ANO1: variants seen among roughly 807,000 people sequenced by gnomAD.
ANO1 encodes anoctamin 1.
Under a neutral mutation model 124.0 loss-of-function variants are expected in ANO1, and 59 were observed. The ratio of observed to expected loss-of-function variants is 0.48; its 90% CI spans 0.39 to 0.59. The LOEUF (loss-of-function observed/expected upper bound fraction) is 0.59. Among genes scored for constraint, ANO1 ranks in the 20% least tolerant of loss-of-function variants. The probability of loss-of-function intolerance (pLI) is 0.00; values close to 1 mark genes in which losing one functional copy is unlikely to be tolerated. For missense variants in ANO1, 1,059 were observed against 1,328.0 expected, an observed-to-expected ratio of 0.80 and a Z score of 3.15; for synonymous variants, 529 against 532.0, an observed-to-expected ratio of 0.99 and a Z score of 0.08.
intron 1 of ANO1, among the ~76,000 whole-genome samples, chr11:70,083,341 G>A (rs1285867382): frequency 6.6e-6 from 1 of 152,072 alleles, no homozygotes; most frequent in Non-Finnish European, 1.5e-5. Context: ...ACAAAAACAC[G>A]AAGCTGTGTG....
chr11:70,071,735 C>T (rs1424386023), intron 1 of ANO1, among the ~76,000 whole-genome samples: 1 of 152,052 alleles, frequency 6.6e-6, no homozygotes, highest in Non-Finnish European at 1.5e-5. Flanking sequence ...GCAATCCTCC[C>T]ACCTGAATTT....
intron 7 of ANO1, among the ~76,000 whole-genome samples, chr11:70,113,053 T>C (rs527620546): frequency 3.2e-4 from 48 of 152,204 alleles, no homozygotes; most frequent in African/African-American, 1.1e-3. Flanking sequence ...ATTGGGGTGG[T>C]TGAGCAGCCC....
At chr11:70,004,558 G>A (rs1007163180) in intron 1 of ANO1, among the ~76,000 whole-genome samples, 1 of 152,218 alleles carries the variant, frequency 6.6e-6, no homozygotes, top group East Asian at 1.9e-4. Flanking sequence ...CTGTCAGATG[G>A]GGGCTATGAG....
At chr11:70,156,918 A>G in intron 15 of ANO1, 29 bp from the exon 16 acceptor site, 1 of 1,608,348 alleles carries the variant, frequency 6.2e-7, no homozygotes, top group South Asian at 1.1e-5. Flanking sequence ...ATGGTTCCAG[A>G]CAGTGACCGG....
At chr11:70,152,232 G>A (rs1471149477) in intron 12 of ANO1, among the ~76,000 whole-genome samples, 1 of 151,658 alleles carries the variant, frequency 6.6e-6, no homozygotes, top group Non-Finnish European at 1.5e-5. Flanking sequence ...CTACTCAGGA[G>A]GCTGAGGCAG....
intron 1 of ANO1, among the ~76,000 whole-genome samples, chr11:70,070,332 C>T (rs1041389904): frequency 1.3e-4 from 20 of 152,194 alleles, no homozygotes; most frequent in Middle Eastern, 3.4e-3. Context: ...TAAGGGGTGG[C>T]GGATTCTATG....
intron 1 of ANO1, among the ~76,000 whole-genome samples, chr11:70,029,293 G>A (rs1856961593): frequency 6.6e-6 from 1 of 152,210 alleles, no homozygotes; most frequent in African/African-American, 2.4e-5. Flanking sequence ...ACACAGGCCT[G>A]CTCTGCGCAA....
In ANO1 at chr11:70,130,984, G is replaced by T. The variant is rs1016306942; in HGVS notation, c.1098-935G>T. On this transcript the variant is annotated intron_variant, in intron 10 of 25. Coordinates refer to ENST00000355303, the MANE Select transcript of ANO1 (RefSeq NM_018043.7). ...GCTGTGTGAACCGCTCATAGACGGC[G>T]CCTGGCACAGAGCAAGGGCCCTCAT... 3.3e-5 allele frequency among the ~76,000 whole-genome samples: 5 copies of T among 152,358 alleles called. No homozygotes were observed. In the East Asian group the frequency reaches 9.7e-4, roughly 29 times the overall value.
At chr11:70,069,179 C>T (rs1857806737) in intron 1 of ANO1, among the ~76,000 whole-genome samples, 1 of 152,208 alleles carries the variant, frequency 6.6e-6, no homozygotes, top group Non-Finnish European at 1.5e-5. Flanking sequence ...TTGGAAGCCC[C>T]ACCATCCTCC....
At chr11:70,147,757 GCTT>G (rs2047438603) in intron 11 of ANO1, among the ~76,000 whole-genome samples, 1 of 152,146 alleles carries the variant, frequency 6.6e-6, no homozygotes, top group Non-Finnish European at 1.5e-5. Flanking sequence ...CGTGATCCCA[GCTT>G]CTTCTGGGCA....
intron 1 of ANO1, among the ~76,000 whole-genome samples, chr11:70,052,141 T>TTATTGATTC (rs1565169244): frequency 6.6e-6 from 1 of 152,088 alleles, no homozygotes. Flanking sequence ...CTTATTGATT[T>TTATTGATTC]CACACCACTT....
chr11:70,161,191 G>A lies in ANO1; in HGVS notation c.1609G>A (p.Val537Ile), dbSNP rs377208404. 2.6e-5 allele frequency: 42 copies of A among 1,613,674 alleles called. No homozygotes were observed. Among genetic ancestry groups the A allele is most frequent in the Middle Eastern group, 1.6e-4 (1 of 6,084 alleles). Reference sequence around the variant, plus strand: ...AGTGACGTTTGCCATCGTCCTCGGCGTCATCATCTACAGAATCTCCATGGC... The same window carrying A: ...AGTGACGTTTGCCATCGTCCTCGGCATCATCATCTACAGAATCTCCATGGC... ...IAVTFAIVLGVIIYRISMAAA... is the reference protein window; with the variant it reads ...IAVTFAIVLGIIIYRISMAAA... The change falls in exon 17 of 26, where the codon GTC becomes ATC. Residue 537 changes from valine to isoleucine, a missense_variant. By Grantham distance (29) the Val-to-Ile change is conservative. Around this residue, in one of 2 missense-constraint regions of ANO1, gnomAD observed 809 missense variants for 1,094.9 expected, o/e 0.74. Coordinates refer to ENST00000355303, the MANE Select transcript of ANO1 (RefSeq NM_018043.7).
chr11:70,086,115 G>A (rs182041863), intron 1 of ANO1, among the ~76,000 whole-genome samples: 51 of 152,340 alleles, frequency 3.3e-4, no homozygotes, highest in Non-Finnish European at 5.7e-4. Context: ...CCTAGGGAGC[G>A]TCCTCACGTA....
intron 1 of ANO1, among the ~76,000 whole-genome samples, chr11:70,052,439 C>G (rs879973086): frequency 1.3e-5 from 2 of 150,712 alleles, no homozygotes; most frequent in African/African-American, 4.9e-5. Context: ...TACACAGACA[C>G]ACACACATAC....
At chr11:70,123,173 C>T (rs2046364022) in intron 8 of ANO1, among the ~76,000 whole-genome samples, 2 of 152,144 alleles carry the variant, frequency 1.3e-5, no homozygotes, top group African/African-American at 2.4e-5. Context: ...GGAACCTTCC[C>T]AGGGCCGCAG....
At chr11:70,141,943 A>G (rs2047170492) in intron 11 of ANO1, among the ~76,000 whole-genome samples, 1 of 151,964 alleles carries the variant, frequency 6.6e-6, no homozygotes, top group African/African-American at 2.4e-5. Flanking sequence ...GGGGGTCCGT[A>G]TTCACGGTGG....
At chr11:70,086,002 A>G (rs2044362484) in intron 1 of ANO1, among the ~76,000 whole-genome samples, 1 of 152,244 alleles carries the variant, frequency 6.6e-6, no homozygotes, top group South Asian at 2.1e-4. Context: ...AGCTCTGTCC[A>G]AAGGCCACAG....
At chr11:70,141,709 A>G (rs1325673514) in intron 11 of ANO1, 1 of 152,206 alleles carries the variant, frequency 6.6e-6, no homozygotes, top group African/African-American at 2.4e-5. Flanking sequence ...GTCAAGGGTA[A>G]TTACCAGGGA....
At chr11:70,173,284 G>A (rs982124732) in intron 22 of ANO1, among the ~76,000 whole-genome samples, 14 of 152,178 alleles carry the variant, frequency 9.2e-5, no homozygotes, top group Non-Finnish European at 4.4e-5. Flanking sequence ...TGTAGGGAGG[G>A]ACATCCCAGG....
Sources: gnomAD v4.1 joint callset for allele counts (sites outside exome capture counted in the v4.1 genomes callset) on GRCh38, gnomAD v4.1.1 for gene constraint, gnomAD v4.1.1 regional missense constraint, MANE v1.5 for transcripts, NCBI Gene and HGNC (gene_info 2026-07-23, HGNC 2026-07-21) for gene names.